The following METTL6 variants were observed in gnomAD, a reference collection of about 807,000 sequenced individuals.
The protein encoded by METTL6 is methyltransferase 6, tRNA N3-cytidine.
In METTL6, 22 loss-of-function variants were observed where a neutral mutation model predicts 26.4. The ratio of observed to expected loss-of-function variants is 0.83; its 90% CI spans 0.59 to 1.19. The LOEUF (loss-of-function observed/expected upper bound fraction) is 1.19. Among genes scored for constraint, METTL6 ranks in the 50% most tolerant of loss-of-function variants. METTL6 has a pLI of 0.00. For missense variants in METTL6, 304 were observed against 324.8 expected, an observed-to-expected ratio of 0.94 and a Z score of 0.49; for synonymous variants, 109 against 116.2, an observed-to-expected ratio of 0.94 and a Z score of 0.40.
At chr3:15,396,598 G>GT (rs986218319) in intron 6 of METTL6, among the ~76,000 whole-genome samples, 7 of 152,142 alleles carry the variant, frequency 4.6e-5, no homozygotes. Context: ...TTTCTGCTCT[G>GT]TTTTTTCCCC....
intron 5 of METTL6, 22 bp downstream of exon 5, chr3:15,413,999 G>C: frequency 6.2e-7 from 1 of 1,613,704 alleles, no homozygotes; most frequent in Non-Finnish European, 8.5e-7. Context: ...AACATTTAAA[G>C]ACTGGATTCC....
intron 2 of METTL6, 122 bp from the exon 3 acceptor site, chr3:15,425,211 A>G (rs1202634700): frequency 2.9e-6 from 3 of 1,021,920 alleles, no homozygotes; most frequent in Non-Finnish European, 2.9e-6. Flanking sequence ...CAACAAGAGA[A>G]CTAATAAGCA....
intron 6 of METTL6, among the ~76,000 whole-genome samples, chr3:15,400,765 AC>A (rs967359881): frequency 7.2e-5 from 11 of 152,206 alleles, no homozygotes; most frequent in Non-Finnish European, 1.2e-4. Context: ...TAATTGAACA[AC>A]CCTGAAATAA....
chr3:15,382,189 A>G (rs1196972385), exon 7 of METTL6: 8 of 151,542 alleles, frequency 5.3e-5, no homozygotes, highest in African/African-American at 1.9e-4. Context: ...TGCTGGGATT[A>G]TAGGCATGAG....
intron 6 of METTL6, among the ~76,000 whole-genome samples, chr3:15,391,204 G>A (rs1699335204): frequency 6.6e-6 from 1 of 152,190 alleles, no homozygotes; most frequent in Admixed American, 6.5e-5. Context: ...TCTGCCAGCT[G>A]AAATCTTTTT....
intron 6 of METTL6, among the ~76,000 whole-genome samples, chr3:15,386,726 C>A: frequency 6.6e-6 from 1 of 151,976 alleles, no homozygotes; most frequent in African/African-American, 2.4e-5. Flanking sequence ...AGTGAACGTG[C>A]CTTAGTCCAC....
chr3:15,414,195 G>A, intron 4 of METTL6, 33 bp from the exon 5 acceptor site: 1 of 1,583,434 alleles, frequency 6.3e-7, no homozygotes, highest in Non-Finnish European at 8.6e-7. Context: ...ACATGACTTT[G>A]GAGAACCCTG....
chr3:15,386,818 A>C (rs1170028841), intron 6 of METTL6, among the ~76,000 whole-genome samples: 1 of 150,928 alleles, frequency 6.6e-6, no homozygotes, highest in Admixed American at 6.6e-5. Context: ...TTTGAGACAG[A>C]GTTTCACTCT....
intron 4 of METTL6, 40 bp downstream of exon 4, chr3:15,415,732 A>C: frequency 6.2e-7 from 1 of 1,604,730 alleles, no homozygotes; most frequent in Non-Finnish European, 8.5e-7. Context: ...AAAAGAATCC[A>C]GACTGTCCAA....
intron 3 of METTL6, 82 bp downstream of exon 3, chr3:15,424,873 G>A (rs569913672): frequency 6.9e-5 from 109 of 1,583,080 alleles, no homozygotes; most frequent in Admixed American, 8.8e-5. Flanking sequence ...GACTAGAATT[G>A]GGCAAATGAA....
chr3:15,409,749 G>A (rs1699896538), downstream of METTL6, among the ~76,000 whole-genome samples: 1 of 152,156 alleles, frequency 6.6e-6, no homozygotes, highest in Non-Finnish European at 1.5e-5. Flanking sequence ...AATCAGATAT[G>A]GAGCCATGGA....
chr3:15,393,416 T>C (rs998712733), intron 6 of METTL6, among the ~76,000 whole-genome samples: 6 of 152,226 alleles, frequency 3.9e-5, no homozygotes, highest in Non-Finnish European at 8.8e-5. Flanking sequence ...TGGGGTTTTC[T>C]AGATATACAA....
downstream of METTL6, among the ~76,000 whole-genome samples, chr3:15,404,982 T>C (rs752209501): frequency 2.0e-5 from 3 of 152,238 alleles, no homozygotes; most frequent in Non-Finnish European, 2.9e-5. Flanking sequence ...CCTTCCTCAG[T>C]TGACAACTGT....
intron 5 of METTL6, among the ~76,000 whole-genome samples, chr3:15,412,763 G>C (rs1476217889): frequency 6.6e-6 from 1 of 151,818 alleles, no homozygotes; most frequent in Non-Finnish European, 1.5e-5. Flanking sequence ...TAATTTTGCA[G>C]CTTTAATAGT....
At chr3:15,426,923 A>G (rs1286695203) in intron 1 of METTL6, among the ~76,000 whole-genome samples, 4 of 152,272 alleles carry the variant, frequency 2.6e-5, no homozygotes, top group Non-Finnish European at 5.9e-5. Context: ...TGACTGGGAA[A>G]CCTTGCGAAG....
At chr3:15,400,286 C>T (rs2124928809) in intron 6 of METTL6, among the ~76,000 whole-genome samples, 1 of 152,264 alleles carries the variant, frequency 6.6e-6, no homozygotes, top group South Asian at 2.1e-4. Flanking sequence ...GCACCCCCAC[C>T]AAGCCCCAGG....
At chr3:15,397,530 C>T (rs905408154) in intron 6 of METTL6, among the ~76,000 whole-genome samples, 8 of 152,098 alleles carry the variant, frequency 5.3e-5, no homozygotes, top group African/African-American at 1.4e-4. Context: ...GAGATGCACC[C>T]GGTACCTCAG....
intron 6 of METTL6, among the ~76,000 whole-genome samples, chr3:15,385,384 G>A (rs572910786): frequency 1.3e-5 from 2 of 152,152 alleles, no homozygotes; most frequent in Non-Finnish European, 2.9e-5. Flanking sequence ...GATCATCTGA[G>A]GTCAGGAGTT....
intron 2 of METTL6, 95 bp downstream of exon 2, chr3:15,426,192 G>A: frequency 8.3e-7 from 1 of 1,211,884 alleles, no homozygotes; most frequent in Non-Finnish European, 1.2e-6. Flanking sequence ...GCCTGCCTTG[G>A]CCTCCCCAAG....
Sources: allele counts gnomAD v4.1 joint callset (sites outside exome capture counted in the v4.1 genomes callset), GRCh38; gene constraint gnomAD v4.1.1; transcripts MANE v1.5; gene names NCBI Gene and HGNC (gene_info 2026-07-23, HGNC 2026-07-21).